Variants in ASIC2 observed in about 807,000 individuals in gnomAD.
ASIC2 encodes acid sensing ion channel subunit 2, also known as acid-sensing ion channel 2.
Under a neutral mutation model 57.3 loss-of-function variants are expected in ASIC2, and 25 were observed. That is an observed-to-expected ratio of 0.44 (90% CI 0.32 to 0.61). ASIC2 has a LOEUF of 0.61. Among genes scored for constraint, ASIC2 ranks in the 20% least tolerant of loss-of-function variants. The probability of loss-of-function intolerance (pLI) is 0.06; values close to 1 mark genes in which losing one functional copy is unlikely to be tolerated. For missense variants in ASIC2, 641 were observed against 738.1 expected, an observed-to-expected ratio of 0.87 and a Z score of 1.52; for synonymous variants, 319 against 307.5, an observed-to-expected ratio of 1.04 and a Z score of -0.39.
At chr17:33,812,859 C>A (rs76435914) in intron 1 of ASIC2, among the ~76,000 whole-genome samples, 12 of 152,302 alleles carry the variant, frequency 7.9e-5, no homozygotes, top group East Asian at 7.7e-4. Flanking sequence ...CAGACTGAAC[C>A]TCTCACTGGG....
intron 1 of ASIC2, among the ~76,000 whole-genome samples, chr17:34,149,631 C>A (rs536535965): frequency 7.8e-4 from 118 of 152,118 alleles, no homozygotes; most frequent in African/African-American, 2.7e-3. Flanking sequence ...AGACATCAGG[C>A]CTTATGAGGA....
intron 1 of ASIC2, among the ~76,000 whole-genome samples, chr17:33,321,799 C>A (rs542044861): frequency 6.6e-6 from 1 of 152,328 alleles, no homozygotes; most frequent in Non-Finnish European, 1.5e-5. Context: ...GCTGAGTTTA[C>A]AACCCCTTAA....
intron 1 of ASIC2, among the ~76,000 whole-genome samples, chr17:33,669,376 G>GGT (rs1461830348): frequency 1.3e-5 from 2 of 152,170 alleles, no homozygotes; most frequent in African/African-American, 4.8e-5. Flanking sequence ...CAAGTCAGCA[G>GGT]ACCCAAAACA....
chr17:33,855,634 G>C (rs903619405), intron 1 of ASIC2, among the ~76,000 whole-genome samples: 1 of 152,122 alleles, frequency 6.6e-6, no homozygotes, highest in African/African-American at 2.4e-5. Flanking sequence ...TGATGATGCT[G>C]ATGATGGGGA....
intron 1 of ASIC2, among the ~76,000 whole-genome samples, chr17:33,953,072 C>A (rs1217713159): frequency 6.6e-6 from 1 of 151,882 alleles, no homozygotes; most frequent in Non-Finnish European, 1.5e-5. Flanking sequence ...TTATTTATGA[C>A]ATACACAAAT....
chr17:33,228,589 C>A (rs1023000984), intron 1 of ASIC2, among the ~76,000 whole-genome samples: 1 of 152,250 alleles, frequency 6.6e-6, no homozygotes, highest in Non-Finnish European at 1.5e-5. Context: ...ACCATCCCAA[C>A]AAGAAGTCAA....
chr17:33,891,721 A>T (rs1165985121), intron 1 of ASIC2, among the ~76,000 whole-genome samples: 1 of 152,210 alleles, frequency 6.6e-6, no homozygotes, highest in East Asian at 1.9e-4. Flanking sequence ...ATGTGCAAAC[A>T]CTAATCCTAC....
At chr17:33,733,802 G>T (rs1252938876) in intron 1 of ASIC2, among the ~76,000 whole-genome samples, 1 of 152,058 alleles carries the variant, frequency 6.6e-6, no homozygotes, top group Non-Finnish European at 1.5e-5. Context: ...TAGTTGTCTG[G>T]CTAAATCCCG....
At chr17:34,000,053 G>GT (rs201497398) in intron 1 of ASIC2, among the ~76,000 whole-genome samples, 26,733 of 144,748 alleles carry the variant, frequency 0.18, 4,697 homozygotes, top group African/African-American at 0.46. Context: ...TGTTATTGTT[G>GT]TTTTTTTTTT....
At chr17:33,970,630 C>A (rs187790934) in intron 1 of ASIC2, among the ~76,000 whole-genome samples, 210 of 152,320 alleles carry the variant, frequency 1.4e-3, no homozygotes, top group African/African-American at 4.9e-3. Context: ...ATCAGACCAG[C>A]CCCTAACACA....
At chr17:33,056,411 C>G (rs953903906) in intron 3 of ASIC2, among the ~76,000 whole-genome samples, 2 of 152,208 alleles carry the variant, frequency 1.3e-5, no homozygotes, top group Non-Finnish European at 2.9e-5. Flanking sequence ...TAACCCCTGA[C>G]AGTTTGGGGT....
At position 33,995,643 on chromosome 17, in the gene ASIC2, A is replaced by T. The variant is rs568317402; in HGVS notation, c.555+160335T>A. Among the ~76,000 whole-genome samples the T allele has an allele frequency of 1.7e-4, 26 of 152,214 alleles. 2 individuals are homozygous for T. The highest frequency in any genetic ancestry group is 6.3e-4 in the African/African-American group (26 of 41,532). On this transcript the variant is annotated intron_variant, in intron 1 of 9. Coordinates refer to the ASIC2 transcript ENST00000359872. Reference sequence around the variant, plus strand: ...ATATACATACACACGCATATAAACCACAATCTGTGCGTGTATATATGTGTG... The same window carrying T: ...ATATACATACACACGCATATAAACCTCAATCTGTGCGTGTATATATGTGTG...
At chr17:33,904,757 T>C (rs955665812) in intron 1 of ASIC2, among the ~76,000 whole-genome samples, 1 of 152,218 alleles carries the variant, frequency 6.6e-6, no homozygotes, top group African/African-American at 2.4e-5. Flanking sequence ...ATGCAAAAGC[T>C]ACACCACCCT....
chr17:33,730,145 T>G (rs191005825), intron 1 of ASIC2, among the ~76,000 whole-genome samples: 1 of 152,330 alleles, frequency 6.6e-6, no homozygotes, highest in East Asian at 1.9e-4. Context: ...AGCCCCTGTA[T>G]AGTTTACCTG....
At chr17:33,140,844 G>T (rs2092384859) in intron 1 of ASIC2, among the ~76,000 whole-genome samples, 1 of 152,266 alleles carries the variant, frequency 6.6e-6, no homozygotes, top group Non-Finnish European at 1.5e-5. Context: ...GTTAAGCCCA[G>T]CCAGGGCTGC....
In ASIC2 at chr17:33,971,452, C is replaced by T. The variant is rs149226403; in HGVS notation, c.555+184526G>A. 2.6e-3 allele frequency among the ~76,000 whole-genome samples: 394 copies of T among 152,288 alleles called. 5 individuals are homozygous for T. Among genetic ancestry groups the T allele is most frequent in the African/African-American group, 9.2e-3 (384 of 41,544 alleles). ...GCACACACACAAATGCATACACAAA[C>T]ATACGCTCACACACCAGCTCCTGAA... On this transcript the variant is annotated intron_variant, in intron 1 of 9. Transcript: ENST00000359872.
At chr17:33,813,146 C>A (rs750984627) in intron 1 of ASIC2, among the ~76,000 whole-genome samples, 26 of 152,060 alleles carry the variant, frequency 1.7e-4, no homozygotes, top group Non-Finnish European at 3.5e-4. Flanking sequence ...CAGAATGGTC[C>A]TTTAAAGGCC....
intron 3 of ASIC2, among the ~76,000 whole-genome samples, chr17:33,062,461 G>A (rs1325428754): frequency 1.3e-5 from 2 of 152,218 alleles, no homozygotes; most frequent in Non-Finnish European, 2.9e-5. Context: ...TTTCCAGGTA[G>A]TTGAGCGGTT....
chr17:33,240,160 G>A (rs750415965), intron 1 of ASIC2, among the ~76,000 whole-genome samples: 4 of 152,150 alleles, frequency 2.6e-5, no homozygotes, highest in Non-Finnish European at 5.9e-5. Context: ...ATGAGTGCTG[G>A]TCCCATCCCT....
Sources: allele counts gnomAD v4.1 joint callset (sites outside exome capture counted in the v4.1 genomes callset), GRCh38; gene constraint gnomAD v4.1.1; transcripts MANE v1.5; gene names NCBI Gene and HGNC (gene_info 2026-07-23, HGNC 2026-07-21).